PPARGC1A: variants seen among roughly 807,000 people sequenced by gnomAD.
PPARGC1A encodes peroxisome proliferator-activated receptor gamma coactivator 1-alpha.
PPARGC1A carries 25 observed loss-of-function variants against 88.7 expected under a neutral mutation model. The ratio of observed to expected loss-of-function variants is 0.28; its 90% CI spans 0.21 to 0.39. The LOEUF (loss-of-function observed/expected upper bound fraction) is 0.39. PPARGC1A is among the 10% of genes least tolerant of loss of function. The pLI, the probability that PPARGC1A is intolerant of heterozygous loss-of-function variation, is 1.00. For missense variants in PPARGC1A, 880 were observed against 968.7 expected (o/e 0.91, Z 1.22); for synonymous variants, 363 against 355.6 (o/e 1.02, Z -0.24).
At chr4:24,098,690 T>C in the PPARGC1A span, among the ~76,000 whole-genome samples, 1 of 152,226 alleles carries the variant, frequency 6.6e-6, no homozygotes, top group African/African-American at 2.4e-5. Flanking sequence ...AATTAATTAC[T>C]GCATGGCATT....
chr4:24,204,422 TGAATAAATTAAA>T, the PPARGC1A span, among the ~76,000 whole-genome samples: 1 of 150,764 alleles, frequency 6.6e-6, no homozygotes, highest in African/African-American at 2.4e-5. Flanking sequence ...AAGTATTTGT[TGAATAAATTAAA>T]AAATAAATGT....
chr4:23,960,906 A>G, the PPARGC1A span, among the ~76,000 whole-genome samples: 1 of 152,168 alleles, frequency 6.6e-6, no homozygotes, highest in Non-Finnish European at 1.5e-5. Flanking sequence ...TGGTAGCTAG[A>G]GTAATCCCTC....
the PPARGC1A span, among the ~76,000 whole-genome samples, chr4:24,117,032 C>T: frequency 1.5e-4 from 23 of 150,500 alleles, no homozygotes; most frequent in Non-Finnish European, 2.4e-4. Context: ...CAAAAGCATG[C>T]ACAGTGAAGT....
the PPARGC1A span, among the ~76,000 whole-genome samples, chr4:24,113,913 CAGG>C: frequency 2.6e-5 from 4 of 152,000 alleles, no homozygotes; most frequent in Admixed American, 2.6e-4. Context: ...CACTTGAGGT[CAGG>C]AGTTCAAAAC....
At chr4:24,032,177 CT>C in the PPARGC1A span, among the ~76,000 whole-genome samples, 1 of 152,174 alleles carries the variant, frequency 6.6e-6, no homozygotes, top group Non-Finnish European at 1.5e-5. Flanking sequence ...GCACCAAGCA[CT>C]TTTCTAAGGA....
At chr4:24,436,850 C>G in the PPARGC1A span, among the ~76,000 whole-genome samples, 3 of 151,094 alleles carry the variant, frequency 2.0e-5, no homozygotes, top group Admixed American at 6.6e-5. Context: ...TTGGCCACCC[C>G]AGAGCCCAGG....
the PPARGC1A span, among the ~76,000 whole-genome samples, chr4:24,012,034 GTTT>G: frequency 6.6e-6 from 1 of 152,026 alleles, no homozygotes; most frequent in African/African-American, 2.4e-5. Context: ...TAGAAATCTG[GTTT>G]TATATTATAA....
chr4:24,282,652 C>T, the PPARGC1A span, among the ~76,000 whole-genome samples: 2 of 152,196 alleles, frequency 1.3e-5, no homozygotes, highest in Non-Finnish European at 2.9e-5. Flanking sequence ...GGCCTAGTGG[C>T]GTTGATGACA....
chr4:24,219,237 C>T, the PPARGC1A span, among the ~76,000 whole-genome samples: 1 of 152,200 alleles, frequency 6.6e-6, no homozygotes, highest in Non-Finnish European at 1.5e-5. Flanking sequence ...TCTGCAAATG[C>T]CAGCACACCA....
the PPARGC1A span, among the ~76,000 whole-genome samples, chr4:24,034,661 A>G: frequency 0.18 from 27,183 of 152,172 alleles, 2,607 homozygotes; most frequent in Admixed American, 0.26. Flanking sequence ...CAGGTATATC[A>G]TGATTAATTA....
At chr4:24,404,454 A>G in the PPARGC1A span, among the ~76,000 whole-genome samples, 1 of 152,074 alleles carries the variant, frequency 6.6e-6, no homozygotes, top group Non-Finnish European at 1.5e-5. Context: ...CTGACTCATC[A>G]GGATTGGGAA....
At chr4:24,057,591 C>T in the PPARGC1A span, among the ~76,000 whole-genome samples, 1 of 152,124 alleles carries the variant, frequency 6.6e-6, no homozygotes, top group Non-Finnish European at 1.5e-5. Flanking sequence ...GAACCATTGG[C>T]ATAGACGGCA....
the PPARGC1A span, among the ~76,000 whole-genome samples, chr4:24,165,051 C>A: frequency 3.3e-5 from 5 of 152,056 alleles, no homozygotes; most frequent in Non-Finnish European, 4.4e-5. Context: ...AATGTATGAC[C>A]TATCTGACTC....
chr4:24,194,640 A>G, the PPARGC1A span, among the ~76,000 whole-genome samples: 1 of 20,014 alleles, frequency 5.0e-5, no homozygotes, highest in Non-Finnish European at 1.4e-4. Context: ...GCACACACAC[A>G]CACACACACA....
chr4:24,213,557 G>C, the PPARGC1A span, among the ~76,000 whole-genome samples: 4 of 152,206 alleles, frequency 2.6e-5, no homozygotes, highest in African/African-American at 9.6e-5. Context: ...ATGTATAGCT[G>C]TCCAGACAGA....
At chr4:24,029,835 T>C in the PPARGC1A span, among the ~76,000 whole-genome samples, 2 of 151,430 alleles carry the variant, frequency 1.3e-5, no homozygotes, top group African/African-American at 4.9e-5. Context: ...AGAGAAAACA[T>C]CTCAGTGGAC....
the PPARGC1A span, among the ~76,000 whole-genome samples, chr4:24,015,332 A>T: frequency 6.6e-6 from 1 of 152,184 alleles, no homozygotes; most frequent in African/African-American, 2.4e-5. Context: ...AAGTCTTTCT[A>T]AATCACCCTG....
the PPARGC1A span, among the ~76,000 whole-genome samples, chr4:24,198,523 TGAGACACC>T: frequency 2.0e-5 from 3 of 152,180 alleles, no homozygotes; most frequent in Non-Finnish European, 4.4e-5. Flanking sequence ...TCCTTCTCTC[TGAGACACC>T]TTTCCTCCAA....
chr4:24,225,094 T>C, the PPARGC1A span, among the ~76,000 whole-genome samples: 320 of 152,182 alleles, frequency 2.1e-3, 1 homozygote, highest in African/African-American at 7.4e-3. Flanking sequence ...CTGAGTGATA[T>C]GGGGAGCCCC....
Sources: gnomAD v4.1 joint callset for allele counts (sites outside exome capture counted in the v4.1 genomes callset) on GRCh38, gnomAD v4.1.1 for gene constraint, MANE v1.5 for transcripts, NCBI Gene and HGNC (gene_info 2026-07-23, HGNC 2026-07-21) for gene names.